VIPAS39: variants seen among roughly 807,000 people sequenced by gnomAD.
VIPAS39 encodes spermatogenesis-defective protein 39 homolog.
VIPAS39 carries 63 observed loss-of-function variants against 84.7 expected under a neutral mutation model. The observed-to-expected ratio is 0.74, with a 90% confidence interval of 0.61 to 0.92. The LOEUF (loss-of-function observed/expected upper bound fraction) is 0.92. Among genes scored for constraint, VIPAS39 ranks in the 40% least tolerant of loss-of-function variants. The probability of loss-of-function intolerance (pLI) is 0.00; values close to 1 mark genes in which losing one functional copy is unlikely to be tolerated. For synonymous variants in VIPAS39, 192 were observed against 216.5 expected, an observed-to-expected ratio of 0.89 and a Z score of 0.99; for missense variants, 499 against 604.5, an observed-to-expected ratio of 0.83 and a Z score of 1.83.
At chr14:77,433,815 T>TC in intron 16 of VIPAS39, 27 bp downstream of exon 16, 1 of 1,609,874 alleles carries the variant, frequency 6.2e-7, no homozygotes, top group African/African-American at 1.3e-5. Flanking sequence ...TCCCAAGGCC[T>TC]CAGCAGCACA....
chr14:77,427,512 G>A lies in VIPAS39; in HGVS notation c.*104C>T. 6.8e-7 allele frequency: 1 copy of A among 1,462,016 alleles called. No homozygotes were observed. The highest frequency in any genetic ancestry group is 1.1e-5 in the South Asian group (1 of 87,736). 90.6% of individuals were successfully genotyped at this position (1,462,016 alleles called of 1,614,324 possible). On this transcript the variant is annotated 3_prime_UTR_variant, in exon 20 of 20. Coordinates refer to ENST00000557658, the MANE Select transcript of VIPAS39 (RefSeq NM_001193315.2). ...TAGCTGGCACTGCCCATGGGTAATG[G>A]GCCCAAGCGATGTGATGCCGCAGCT...
At chr14:77,441,275 G>C in intron 10 of VIPAS39, 182 bp from the exon 11 acceptor site, 1 of 649,130 alleles carries the variant, frequency 1.5e-6, no homozygotes. Context: ...CAAAAAGCAA[G>C]GACAAGAAGG....
intron 7 of VIPAS39, among the ~76,000 whole-genome samples, chr14:77,447,566 A>G (rs1490936177): frequency 2.0e-5 from 3 of 152,238 alleles, no homozygotes; most frequent in Non-Finnish European, 2.9e-5. Flanking sequence ...GGAGATCTAC[A>G]TGGGGAAAAC....
At chr14:77,449,033 C>T (rs1424926696) in intron 6 of VIPAS39, among the ~76,000 whole-genome samples, 1 of 152,140 alleles carries the variant, frequency 6.6e-6, no homozygotes, top group Non-Finnish European at 1.5e-5. Context: ...TTTCAAAGTA[C>T]AGCCTTCAAG....
At chr14:77,442,464 A>G (rs1594909163) in intron 10 of VIPAS39, 96 bp downstream of exon 10, 1 of 1,033,280 alleles carries the variant, frequency 9.7e-7, no homozygotes, top group East Asian at 2.4e-5. Context: ...CACTTCCAGG[A>G]AAAGGGCAGT....
intron 3 of VIPAS39, among the ~76,000 whole-genome samples, chr14:77,452,457 T>A (rs940933697): frequency 2.0e-5 from 3 of 152,090 alleles, no homozygotes; most frequent in Non-Finnish European, 2.9e-5. Flanking sequence ...GCCTATTTTT[T>A]AAAAACTTTC....
intron 17 of VIPAS39, 100 bp from the exon 18 acceptor site, chr14:77,429,195 A>G (rs1198480210): frequency 3.6e-5 from 36 of 1,006,390 alleles, no homozygotes; most frequent in Non-Finnish European, 5.5e-5. Flanking sequence ...AAAGAGTTCA[A>G]TAGCTAATGT....
Position 77,449,893 on chromosome 14 carries a change from G to C in VIPAS39, c.344-141C>G, listed in dbSNP as rs1051769824. ...TTAAAAAAGGTTTTATTCATCTGTA[G>C]AAATCTGAAGTGCCATTAAAAAATG... On this transcript the variant is annotated intron_variant, in intron 4 of 19. Coordinates refer to ENST00000557658, the MANE Select transcript of VIPAS39 (RefSeq NM_001193315.2). 3.0e-6 allele frequency: 3 copies of C among 1,004,496 alleles called. No individual in the cohort carries two copies. The African/African-American group carries it at 4.9e-5, about 16-fold the overall frequency. 62.2% of individuals were successfully genotyped at this position (1,004,496 alleles called of 1,614,324 possible).
chr14:77,441,101 G>A lies in VIPAS39; in HGVS notation c.735-8C>T, dbSNP rs1248792795. ...TCTGTTCTATCTAGGAACCTGGGAA[G>A]AAGCAGAAGGGAGCAGGGCATTTGT... On this transcript the variant is annotated splice_region_variant and splice_polypyrimidine_tract_variant and intron_variant, in intron 10 of 19. Coordinates refer to ENST00000557658, the MANE Select transcript of VIPAS39 (RefSeq NM_001193315.2). The A allele has an allele frequency of 6.2e-7, 1 of 1,612,288 alleles. No individual in the cohort carries two copies. Among genetic ancestry groups the A allele is most frequent in the South Asian group, 1.1e-5 (1 of 91,066 alleles).
In VIPAS39 at chr14:77,438,040, G is replaced by A. The variant is rs117887635; in HGVS notation, c.763-159C>T. On this transcript the variant is annotated intron_variant, in intron 11 of 19. Transcript: ENST00000557658. ...GGGGGGATAGGCAAAGAGTGACTAAGTATCATTAGTAGGTTTATCTATAAC... is the reference window on the plus strand; with the variant it reads ...GGGGGGATAGGCAAAGAGTGACTAAATATCATTAGTAGGTTTATCTATAAC... 8.8e-3 allele frequency among the ~76,000 whole-genome samples: 1,335 copies of A among 152,260 alleles called. 19 individuals are homozygous for A. The highest frequency in any genetic ancestry group is 0.037 in the South Asian group (178 of 4,820).
At position 77,449,706 on chromosome 14, in the gene VIPAS39, A is replaced by T; in HGVS notation, c.382+8T>A. ...CCCACAGCAATTAAAAGAGGGTTCA[A>T]TGCCTACCATCAGAAAGGGACTGGA... On this transcript the variant is annotated splice_region_variant and intron_variant, in intron 5 of 19. Coordinates refer to ENST00000557658, the MANE Select transcript of VIPAS39 (RefSeq NM_001193315.2). 6.2e-7 allele frequency: 1 copy of T among 1,614,190 alleles called. No individual in the cohort carries two copies. Among genetic ancestry groups the T allele is most frequent in the South Asian group, 1.1e-5 (1 of 91,090 alleles).
chr14:77,451,132 G>C, intron 4 of VIPAS39, 55 bp downstream of exon 4: 2 of 1,612,358 alleles, frequency 1.2e-6, no homozygotes, highest in Non-Finnish European at 1.7e-6. Flanking sequence ...TATGGCCTAA[G>C]ATTTTTCTGG....
intron 13 of VIPAS39, among the ~76,000 whole-genome samples, 183 bp downstream of exon 13, chr14:77,435,661 G>A (rs757037994): frequency 6.6e-6 from 1 of 152,102 alleles, no homozygotes; most frequent in Non-Finnish European, 1.5e-5. Context: ...GTTAACAGCT[G>A]GTAAGAGGAA....
intron 7 of VIPAS39, among the ~76,000 whole-genome samples, chr14:77,447,453 C>T (rs969825181): frequency 6.6e-6 from 1 of 152,046 alleles, no homozygotes; most frequent in Non-Finnish European, 1.5e-5. Flanking sequence ...TCTGGGATTA[C>T]AGGCATGAGC....
Position 77,453,308 on chromosome 14 carries a change from G to C in VIPAS39, c.187C>G (p.Pro63Ala). The C allele has an allele frequency of 6.2e-7, 1 of 1,613,876 alleles. No individual in the cohort carries two copies. The highest frequency in any genetic ancestry group is 8.5e-7 in the Non-Finnish European group (1 of 1,179,990). The change falls in exon 3 of 20, where the codon CCT (proline) becomes GCT (alanine). Residue 63 changes from proline (P) to alanine (A), a missense_variant. Transcript: ENST00000557658. ...DLERVSWSGE[P>A]VGSISWSIRE... ...GGACTCTTCTACTTACTTCCCACAG[G>C]TTCCCCACTCCAGCTGACTCGCTCC...
intron 16 of VIPAS39, among the ~76,000 whole-genome samples, chr14:77,433,369 T>G (rs1015803068): frequency 5.9e-5 from 9 of 152,114 alleles, no homozygotes; most frequent in African/African-American, 2.2e-4. Flanking sequence ...CCCAGCTAAT[T>G]TTTGTATTTT....
chr14:77,453,429 T>G (rs372001071), intron 2 of VIPAS39, 28 bp from the exon 3 acceptor site: 4 of 1,600,388 alleles, frequency 2.5e-6, no homozygotes, highest in South Asian at 1.1e-5. Flanking sequence ...GCTAGGGTGC[T>G]CAGGCAAATC....
At chr14:77,443,344 T>C (rs921203427) in intron 8 of VIPAS39, among the ~76,000 whole-genome samples, 192 bp from the exon 9 acceptor site, 7 of 152,196 alleles carry the variant, frequency 4.6e-5, no homozygotes, top group African/African-American at 9.7e-5. Context: ...CCCGTGCCCA[T>C]GCTGCTGAGA....
In VIPAS39 at chr14:77,434,274, C is replaced by CTTCAT; in HGVS notation, c.1076_1077insATGAA (p.Lys360Ter). The CTTCAT allele has an allele frequency of 6.2e-7, 1 of 1,614,142 alleles. No homozygotes were observed. The highest frequency in any genetic ancestry group is 8.5e-7 in the Non-Finnish European group (1 of 1,180,012). On this transcript the variant is annotated stop_gained and frameshift_variant, in exon 15 of 20. Coordinates refer to ENST00000557658, the MANE Select transcript of VIPAS39 (RefSeq NM_001193315.2). LOFTEE classifies it high-confidence loss of function. Reference sequence around the variant, plus strand: ...AATTTGTATCTACCTTAAATGTCTTCTTCAGGTTGACGGGACTGCTGAATG... The same window carrying CTTCAT: ...AATTTGTATCTACCTTAAATGTCTTCTTCATTTCAGGTTGACGGGACTGCTGAATG...
Sources: allele counts gnomAD v4.1 joint callset (sites outside exome capture counted in the v4.1 genomes callset), GRCh38; gene constraint gnomAD v4.1.1; transcripts MANE v1.5; gene names NCBI Gene and HGNC (gene_info 2026-07-23, HGNC 2026-07-21).